Variants in TCF4 observed in about 807,000 individuals in gnomAD.
The protein encoded by TCF4 is transcription factor 4, also known as SL3-3 enhancer factor 2.
TCF4 carries 3 observed loss-of-function variants against 82.1 expected under a neutral mutation model. The ratio of observed to expected loss-of-function variants is 0.04; its 90% CI spans 0.02 to 0.09. The LOEUF (loss-of-function observed/expected upper bound fraction) is 0.09. Among genes scored for constraint, TCF4 ranks in the 10% least tolerant of loss-of-function variants. The pLI is 1.00. For synonymous variants in TCF4, 276 were observed against 309.6 expected (o/e 0.89, Z 1.14); for missense variants, 518 against 852.7 (o/e 0.61, Z 4.89).
chr18:55,413,164 T>C (rs9951064), intron 5 of TCF4, among the ~76,000 whole-genome samples: 14,240 of 152,194 alleles, frequency 0.094, 1,377 homozygotes, highest in African/African-American at 0.24. Context: ...GGTATATAGA[T>C]ATGTATAATA....
chr18:55,424,423 A>G (rs913785858), intron 5 of TCF4, among the ~76,000 whole-genome samples: 1 of 152,230 alleles, frequency 6.6e-6, no homozygotes, highest in Non-Finnish European at 1.5e-5. Context: ...CACTGGCAAC[A>G]TAACTGAAAC....
chr18:55,369,390 T>TCAGAGTCTGGTGATGGTCAGAGAAAGAC (rs1249724427), intron 6 of TCF4, among the ~76,000 whole-genome samples: 2 of 152,232 alleles, frequency 1.3e-5, no homozygotes, highest in Non-Finnish European at 2.9e-5. Context: ...AGACTGAAGG[T>TCAGAGTCTGGTGATGGTCAGAGAAAGAC]CAAGCAGATG....
chr18:55,273,421 AATTATAAGGAACTACC>A (rs2060809817), intron 10 of TCF4, among the ~76,000 whole-genome samples: 1 of 152,170 alleles, frequency 6.6e-6, no homozygotes, highest in Admixed American at 6.6e-5. Flanking sequence ...CTAAGAATAA[AATTATAAGGAACTACC>A]ATTATTTTCA....
At chr18:55,346,770 A>G (rs1336570087) in intron 8 of TCF4, among the ~76,000 whole-genome samples, 1 of 152,186 alleles carries the variant, frequency 6.6e-6, no homozygotes, top group African/African-American at 2.4e-5. Context: ...ACATGTTTAC[A>G]TGTTGATGGG....
intron 5 of TCF4, among the ~76,000 whole-genome samples, chr18:55,419,919 T>A (rs978192663): frequency 6.6e-6 from 1 of 152,220 alleles, no homozygotes; most frequent in Non-Finnish European, 1.5e-5. Context: ...CTGGGTGTCT[T>A]AGTGGAACCC....
chr18:55,351,070 AT>A (rs1282992960), intron 6 of TCF4, 67 bp from the exon 7 acceptor site: 1 of 1,595,884 alleles, frequency 6.3e-7, no homozygotes, highest in African/African-American at 1.3e-5. Flanking sequence ...CTCCCAACTG[AT>A]TGTTAGTACT....
intron 5 of TCF4, among the ~76,000 whole-genome samples, chr18:55,446,817 T>C (rs1340624023): frequency 6.6e-6 from 1 of 151,812 alleles, no homozygotes; most frequent in East Asian, 1.9e-4. Context: ...ACCCTGTCTC[T>C]ACTAAAAACA....
intron 8 of TCF4, among the ~76,000 whole-genome samples, chr18:55,331,908 C>T (rs1047828683): frequency 4.6e-5 from 7 of 152,148 alleles, no homozygotes; most frequent in African/African-American, 1.2e-4. Context: ...CGTGAGGGAT[C>T]TAATTTACCT....
At chr18:55,622,041 A>AGT (rs1426803137) in intron 2 of TCF4, among the ~76,000 whole-genome samples, 1 of 136,596 alleles carries the variant, frequency 7.3e-6, no homozygotes, top group Non-Finnish European at 1.5e-5. Flanking sequence ...TTATATATAC[A>AGT]CTATATATAA....
intron 15 of TCF4, among the ~76,000 whole-genome samples, chr18:55,245,103 T>C (rs1164741532): frequency 6.6e-6 from 1 of 152,246 alleles, no homozygotes; most frequent in Non-Finnish European, 1.5e-5. Flanking sequence ...GTCAACCAAA[T>C]AGGTAGAACC....
At chr18:55,314,686 T>G (rs2073609256) in intron 8 of TCF4, among the ~76,000 whole-genome samples, 1 of 151,698 alleles carries the variant, frequency 6.6e-6, no homozygotes, top group African/African-American at 2.4e-5. Context: ...TAGGAGCATT[T>G]TAAAATGGTA....
At chr18:55,357,660 A>C (rs752750998) in intron 6 of TCF4, among the ~76,000 whole-genome samples, 1 of 152,192 alleles carries the variant, frequency 6.6e-6, no homozygotes, top group Non-Finnish European at 1.5e-5. Flanking sequence ...GTCAGTCTTC[A>C]TCATATTGGG....
chr18:55,275,741 T>C lies in TCF4; in HGVS notation c.667A>G (p.Ser223Gly), dbSNP rs2146148434. The C allele has an allele frequency of 6.2e-7, 1 of 1,613,850 alleles. No homozygotes were observed. The highest frequency in any genetic ancestry group is 8.5e-7 in the Non-Finnish European group (1 of 1,179,752). Residue 223 changes from serine to glycine, a missense_variant, in exon 10 of 20, where the codon AGC (serine) becomes GGC (glycine). Coordinates refer to ENST00000354452, the MANE Select transcript of TCF4 (RefSeq NM_001083962.2). ...CTGGAGGAGCTCCAAGGGTCACTGC[T>C]GTGATGGCCATCTGTAAAGGACAAA... ...SSFFMQDGHH[S>G]SDPWSSSSGM...
chr18:55,309,275 C>T (rs558778395), intron 8 of TCF4, among the ~76,000 whole-genome samples: 350 of 133,778 alleles, frequency 2.6e-3, no homozygotes, highest in African/African-American at 9.3e-3. Context: ...CCATGCCTGG[C>T]TAATTTTTTT....
intron 5 of TCF4, among the ~76,000 whole-genome samples, chr18:55,407,654 A>T (rs2094160912): frequency 6.6e-6 from 1 of 151,546 alleles, no homozygotes; most frequent in South Asian, 2.1e-4. Flanking sequence ...CCATATAAAA[A>T]AAAAAAAAAA....
chr18:55,324,576 G>T (rs1238157407), intron 8 of TCF4, among the ~76,000 whole-genome samples: 2 of 152,130 alleles, frequency 1.3e-5, no homozygotes, highest in African/African-American at 4.8e-5. Flanking sequence ...ACAGGACCCT[G>T]AACTAGTCTA....
chr18:55,505,760 C>CGCCACTG (rs1353674762), intron 3 of TCF4, among the ~76,000 whole-genome samples: 2 of 148,160 alleles, frequency 1.3e-5, no homozygotes, highest in African/African-American at 5.0e-5. Context: ...GCCGAGATCC[C>CGCCACTG]GCCACTGCAC....
chr18:55,620,026 C>T (rs889724494), intron 2 of TCF4, among the ~76,000 whole-genome samples: 2 of 152,064 alleles, frequency 1.3e-5, no homozygotes, highest in African/African-American at 2.4e-5. Context: ...ATGCTGTTCT[C>T]GTGACAGTGA....
At chr18:55,302,195 ACAGT>A (rs1438593014) in intron 8 of TCF4, among the ~76,000 whole-genome samples, 3 of 152,254 alleles carry the variant, frequency 2.0e-5, no homozygotes, top group African/African-American at 7.2e-5. Context: ...ATTCGTAATG[ACAGT>A]CAGCACCAAT....
Sources: gnomAD v4.1 joint callset for allele counts (sites outside exome capture counted in the v4.1 genomes callset) on GRCh38, gnomAD v4.1.1 for gene constraint, MANE v1.5 for transcripts, NCBI Gene and HGNC (gene_info 2026-07-23, HGNC 2026-07-21) for gene names.